The following SV2C variants were observed in gnomAD, a reference collection of about 807,000 sequenced individuals.
The protein encoded by SV2C is solute carrier family 22 member B3.
Under a neutral mutation model 79.7 loss-of-function variants are expected in SV2C, and 49 were observed. That is an observed-to-expected ratio of 0.61 (90% CI 0.49 to 0.78). The LOEUF (loss-of-function observed/expected upper bound fraction) is 0.78. SV2C is among the 30% of genes least tolerant of loss of function. SV2C has a pLI of 0.00. For synonymous variants in SV2C, 334 were observed against 333.2 expected, an observed-to-expected ratio of 1.00 and a Z score of -0.03; for missense variants, 833 against 912.9, an observed-to-expected ratio of 0.91 and a Z score of 1.13.
intron 2 of SV2C, among the ~76,000 whole-genome samples, chr5:76,182,920 T>A (rs75284244): frequency 0.042 from 5,295 of 125,420 alleles, 385 homozygotes; most frequent in East Asian, 0.31. Flanking sequence ...AGAGAGAGAG[T>A]GTGTGTGTGT....
At chr5:75,888,326 C>CTTT in the SV2C span, among the ~76,000 whole-genome samples, 18 of 131,278 alleles carry the variant, frequency 1.4e-4, no homozygotes, top group African/African-American at 5.5e-4. Flanking sequence ...AGTCTCCTTG[C>CTTT]TTTTTAAAAA....
chr5:76,324,359 T>A (rs1485107875), intron 12 of SV2C, among the ~76,000 whole-genome samples: 1 of 152,228 alleles, frequency 6.6e-6, no homozygotes, highest in Non-Finnish European at 1.5e-5. Context: ...CAAGTCACTC[T>A]TGTAAAGAGA....
the SV2C span, among the ~76,000 whole-genome samples, chr5:75,926,788 G>A: frequency 6.6e-6 from 1 of 152,128 alleles, no homozygotes; most frequent in Admixed American, 6.5e-5. Flanking sequence ...TCACAGTTGA[G>A]GAATAGGGTA....
At chr5:76,189,095 A>G (rs944045096) in intron 2 of SV2C, among the ~76,000 whole-genome samples, 3 of 152,130 alleles carry the variant, frequency 2.0e-5, no homozygotes, top group Non-Finnish European at 2.9e-5. Context: ...AGCATTTGAC[A>G]CAGGCGGAAG....
chr5:75,876,536 G>A, the SV2C span, among the ~76,000 whole-genome samples: 18,925 of 152,014 alleles, frequency 0.12, 1,388 homozygotes, highest in African/African-American at 0.22. Flanking sequence ...GTTTACCTAC[G>A]TAACAAACCT....
the SV2C span, among the ~76,000 whole-genome samples, chr5:76,049,001 AAGAAAGAAAGAAAG>A: frequency 3.9e-5 from 4 of 102,856 alleles, no homozygotes; most frequent in Admixed American, 1.1e-4. Context: ...GAAAGAAAGA[AAGAAAGAAAGAAAG>A]AAAGAAAGAA....
intron 4 of SV2C, among the ~76,000 whole-genome samples, chr5:76,277,172 A>C (rs576579639): frequency 2.6e-5 from 4 of 152,350 alleles, no homozygotes; most frequent in African/African-American, 7.2e-5. Flanking sequence ...TGGCACAACC[A>C]GTGTGCAAAA....
At chr5:76,081,539 TTAAC>T (rs1421586628), upstream of SV2C, among the ~76,000 whole-genome samples, 14 of 152,134 alleles carry the variant, frequency 9.2e-5, no homozygotes, top group Admixed American at 7.9e-4. Context: ...TTTAAATTAT[TTAAC>T]TATTTAAATA....
downstream of SV2C, among the ~76,000 whole-genome samples, chr5:76,336,758 C>G (rs949295636): frequency 1.3e-5 from 2 of 152,226 alleles, no homozygotes; most frequent in African/African-American, 2.4e-5. Context: ...TCAGGCGTGG[C>G]ACACATTTTC....
At chr5:76,207,393 G>A (rs1000459199) in intron 3 of SV2C, among the ~76,000 whole-genome samples, 2 of 152,164 alleles carry the variant, frequency 1.3e-5, no homozygotes, top group African/African-American at 4.8e-5. Flanking sequence ...TTATGGTGCA[G>A]AGAAACGGAT....
At chr5:76,173,043 T>TA (rs984546713) in intron 2 of SV2C, among the ~76,000 whole-genome samples, 1 of 63,152 alleles carries the variant, frequency 1.6e-5, no homozygotes, top group East Asian at 3.9e-4. Context: ...GAATTATCAA[T>TA]AAAAAAATAA....
chr5:76,295,757 C>A, intron 8 of SV2C, 21 bp from the exon 9 acceptor site: 1 of 1,596,306 alleles, frequency 6.3e-7, no homozygotes, highest in South Asian at 1.1e-5. Context: ...TTTACAAACT[C>A]ACATTTCTTT....
chr5:75,983,233 A>G, the SV2C span, among the ~76,000 whole-genome samples: 3 of 152,132 alleles, frequency 2.0e-5, no homozygotes, highest in African/African-American at 7.2e-5. Context: ...TAACAGTTAA[A>G]AAAAAGAGGA....
chr5:76,316,846 T>C (rs951545294), intron 12 of SV2C, among the ~76,000 whole-genome samples: 1 of 152,126 alleles, frequency 6.6e-6, no homozygotes, highest in African/African-American at 2.4e-5. Flanking sequence ...CAGCTCGATA[T>C]CACTTTCTAT....
At chr5:75,899,973 G>A in the SV2C span, among the ~76,000 whole-genome samples, 45 of 152,152 alleles carry the variant, frequency 3.0e-4, no homozygotes, top group African/African-American at 9.6e-4. Context: ...TGCATGTGAG[G>A]CGGGTTTCCT....
At chr5:76,181,782 A>G (rs1259021102) in intron 2 of SV2C, among the ~76,000 whole-genome samples, 2 of 152,294 alleles carry the variant, frequency 1.3e-5, no homozygotes, top group Admixed American at 1.3e-4. Context: ...TTGGGTGGGG[A>G]CAAACAGCCA....
the SV2C span, among the ~76,000 whole-genome samples, chr5:75,986,985 G>A: frequency 6.6e-6 from 1 of 151,906 alleles, no homozygotes; most frequent in South Asian, 2.1e-4. Flanking sequence ...TTAAAAGATA[G>A]GGGCTTACTA....
intron 4 of SV2C, among the ~76,000 whole-genome samples, chr5:76,265,499 A>C (rs982014539): frequency 1.3e-5 from 2 of 152,100 alleles, no homozygotes; most frequent in Non-Finnish European, 2.9e-5. Context: ...CTGGGGTATG[A>C]AAAAAACAAA....
rs77871064 is a variant in SV2C at position 76,165,251 on chromosome 5, C to A, written c.581-29668C>A. On this transcript the variant is annotated intron_variant, in intron 2 of 12. Coordinates refer to ENST00000502798, the MANE Select transcript of SV2C (RefSeq NM_014979.4). ...CCCCCAATGATAATATCTTACATAA[C>A]CTTAGTACATTGTCAAAACCAGGAA... 3.3e-5 allele frequency among the ~76,000 whole-genome samples: 5 copies of A among 152,288 alleles called. No individual in the cohort carries two copies. The East Asian group carries it at 5.8e-4, about 18-fold the overall frequency.
Sources: allele counts gnomAD v4.1 joint callset (sites outside exome capture counted in the v4.1 genomes callset), GRCh38; gene constraint gnomAD v4.1.1; transcripts MANE v1.5; gene names NCBI Gene and HGNC (gene_info 2026-07-23, HGNC 2026-07-21).